The following CAPN15 variants were observed in gnomAD, a reference collection of about 807,000 sequenced individuals.
CAPN15 encodes the protein calpain-15.
Under a neutral mutation model 97.9 loss-of-function variants are expected in CAPN15, and 53 were observed. That is an observed-to-expected ratio of 0.54 (90% CI 0.43 to 0.68). The LOEUF is 0.68. Ranked by LOEUF, CAPN15 falls within the 30% of genes least tolerant of loss-of-function variation. The pLI, the probability that CAPN15 is intolerant of heterozygous loss-of-function variation, is 0.00. For missense variants in CAPN15, 1,592 were observed against 1,589.8 expected, an observed-to-expected ratio of 1.00 and a Z score of -0.02; for synonymous variants, 922 against 722.5, an observed-to-expected ratio of 1.28 and a Z score of -4.43.
intron 1 of CAPN15, 48 bp from the exon 2 acceptor site, chr16:533,898 T>G (rs1035084936): frequency 2.1e-6 from 2 of 947,786 alleles, no homozygotes; most frequent in Non-Finnish European, 2.5e-6. Flanking sequence ...AGGGTCAGAG[T>G]CCTCCTGGTG....
rs1243751958 is a variant in CAPN15 at position 546,771 on chromosome 16, A to T, written c.-22-46A>T. 35 of 1,523,852 alleles carry T rather than the reference A, an allele frequency of 2.3e-5. No homozygotes were observed. The East Asian group carries it at 7.8e-4, about 34-fold the overall frequency. 94.4% of individuals were successfully genotyped at this position (1,523,852 alleles called of 1,614,324 possible). A position where few individuals can be genotyped will look rare whatever the true frequency, so the allele number is the denominator to read the frequency against. On this transcript the variant is annotated intron_variant, in intron 3 of 13. Coordinates refer to ENST00000219611, the MANE Select transcript of CAPN15 (RefSeq NM_005632.3). The stretch of plus-strand genomic sequence containing the variant: ...GCCGAGAGGAGGGTGGGGTCCAGCC[A>T]CTCAGGACCTCACAGGGTGGCCCTG...
chr16:541,965 C>T (rs111254244), intron 3 of CAPN15, among the ~76,000 whole-genome samples: 20 of 72,850 alleles, frequency 2.7e-4, no homozygotes, highest in African/African-American at 1.3e-3. Context: ...GGCCACAGGA[C>T]GTGGCTGGCT....
chr16:552,272 G>A lies in CAPN15; in HGVS notation c.2508-29G>A, dbSNP rs371430474. The A allele has an allele frequency of 7.3e-4, 1,128 of 1,539,290 alleles. 4 individuals carry two copies. In the African/African-American group the frequency reaches 8.2e-3, roughly 11 times the overall value. On this transcript the variant is annotated intron_variant, in intron 10 of 13. Coordinates refer to ENST00000219611, the MANE Select transcript of CAPN15 (RefSeq NM_005632.3). This position sits in a 1 kb window ranked among gnomAD's most constrained non-coding sequence, Gnocchi z 6.4. ...GCTAGGCTGGCGGCCGTGACCACGCGTGACCCTGGCCCGTGGTGTCTGGCG... is the reference window on the plus strand; with the variant it reads ...GCTAGGCTGGCGGCCGTGACCACGCATGACCCTGGCCCGTGGTGTCTGGCG...
intron 7 of CAPN15, 32 bp from the exon 8 acceptor site, chr16:551,270 T>TG (rs1567158225): frequency 1.3e-6 from 2 of 1,530,296 alleles, no homozygotes; most frequent in African/African-American, 1.5e-5. Context: ...TCGGTGAGGG[T>TG]CCCGGTCGGT....
At chr16:543,985 C>T (rs771659954) in intron 3 of CAPN15, among the ~76,000 whole-genome samples, 11 of 152,156 alleles carry the variant, frequency 7.2e-5, no homozygotes, top group Non-Finnish European at 1.5e-4. Context: ...TGCGGCCATG[C>T]GGCCATGCGG....
intron 4 of CAPN15, 111 bp from the exon 5 acceptor site, chr16:548,882 C>T: frequency 9.9e-7 from 1 of 1,007,512 alleles, no homozygotes; most frequent in Non-Finnish European, 1.5e-6. Flanking sequence ...CCACCCGTCC[C>T]TTTGGGGCTC....
intron 9 of CAPN15, 143 bp from the exon 10 acceptor site, chr16:551,908 G>GC (rs1214042357): frequency 9.6e-7 from 1 of 1,037,138 alleles, no homozygotes; most frequent in East Asian, 2.6e-5. Flanking sequence ...TCAGGGATGG[G>GC]CCCCCGGGGG....
chr16:554,378 C>T lies in CAPN15; in HGVS notation c.*862C>T, dbSNP rs987036978. On this transcript the variant is annotated 3_prime_UTR_variant, in exon 14 of 14. Transcript: ENST00000219611. Reference sequence around the variant, plus strand: ...CCTCCTGGCCCCTCACTCCCGGCAGCGGGCCGGCCTCGCCCCCACTCCCCC... The same window carrying T: ...CCTCCTGGCCCCTCACTCCCGGCAGTGGGCCGGCCTCGCCCCCACTCCCCC... 3.6e-5 allele frequency: 14 copies of T among 393,626 alleles called. No homozygotes were observed. The highest frequency in any genetic ancestry group is 1.8e-4 in the Admixed American group (6 of 34,064). 24.4% of individuals were successfully genotyped at this position (393,626 alleles called of 1,614,324 possible).
intron 1 of CAPN15, chr16:528,805 C>G: frequency 1.0e-6 from 1 of 968,532 alleles, no homozygotes; most frequent in Non-Finnish European, 1.2e-6. Context: ...GACTGGGACT[C>G]CGTTGGGTGC....
chr16:530,446 C>T lies in CAPN15; in HGVS notation c.-190+2417C>T, dbSNP rs528579470. On this transcript the variant is annotated intron_variant, in intron 1 of 13. Coordinates refer to ENST00000219611, the MANE Select transcript of CAPN15 (RefSeq NM_005632.3). ...GCTCCAGGAAAGTAGCACAGCAGCC[C>T]CTGTGGCGTGGACACGGCCACACCT... Among the ~76,000 whole-genome samples, 6 of 152,352 alleles carry T rather than the reference C, an allele frequency of 3.9e-5. No homozygotes were observed. The East Asian group carries it at 1.2e-3, about 29-fold the overall frequency.
At position 544,310 on chromosome 16, in the gene CAPN15, C is replaced by T. The variant is rs1427600674; in HGVS notation, c.-22-2507C>T. The stretch of plus-strand genomic sequence containing the variant: ...CCGAGAGCTGTCTGGGCACAGGTTG[C>T]GGGGCTGCCCCGGCCGGACGGGGCA... On this transcript the variant is annotated intron_variant, in intron 3 of 13. Coordinates refer to ENST00000219611, the MANE Select transcript of CAPN15 (RefSeq NM_005632.3). Among the ~76,000 whole-genome samples, 25 of 152,060 alleles carry T rather than the reference C, an allele frequency of 1.6e-4. No individual in the cohort carries two copies. In the East Asian group the frequency reaches 4.7e-3, roughly 28 times the overall value.
chr16:549,324 G>C lies in CAPN15; in HGVS notation c.1695G>C (p.Pro565=). 1 of 1,593,986 alleles carries C rather than the reference G, an allele frequency of 6.3e-7. No homozygotes were observed. Among genetic ancestry groups the C allele is most frequent in the African/African-American group, 1.3e-5 (1 of 74,890 alleles). The change falls in exon 6 of 14, where the codon CCG becomes CCC. Residue 565 remains proline, a synonymous_variant. Transcript: ENST00000219611. ...CCCTGGCGGTGCTGGCGGAGCGGCC[G>C]GACCTGGTGGAGCGGGTGATGGTCA... ...LSALAVLAER[P]DLVERVMVTR...
In CAPN15 at chr16:547,975, C is replaced by T; in HGVS notation, c.1137C>T (p.Thr379=). 3.2e-6 allele frequency: 5 copies of T among 1,583,432 alleles called. No homozygotes were observed. The highest frequency in any genetic ancestry group is 4.3e-6 in the Non-Finnish European group (5 of 1,166,764). ...TCCAGGAGCATGGCGAGCCCCCCAC[C>T]CACTGCCCCGACTGTGGGGCCGACA... ...HGFQEHGEPP[T]HCPDCGADKP... Residue 379 remains threonine (T), a synonymous_variant, in exon 4 of 14, where the codon ACC becomes ACT. Transcript: ENST00000219611.
rs2033808768 is a variant in CAPN15 at position 537,414 on chromosome 16, C to T, written c.-23+1272C>T. On this transcript the variant is annotated intron_variant, in intron 3 of 13. Coordinates refer to ENST00000219611, the MANE Select transcript of CAPN15 (RefSeq NM_005632.3). ...AGGAGCCTGTGTTTCTAGCGGCACGCGTGACCCCAGGTGCCACGTGGGTGA... is the reference window on the plus strand; with the variant it reads ...AGGAGCCTGTGTTTCTAGCGGCACGTGTGACCCCAGGTGCCACGTGGGTGA... The T allele has an allele frequency of 1.9e-5, 19 of 985,556 alleles. No individual in the cohort carries two copies. The South Asian group carries it at 2.3e-4, about 12-fold the overall frequency. 61.1% of individuals were successfully genotyped at this position (985,556 alleles called of 1,614,324 possible). A position where few individuals can be genotyped will look rare whatever the true frequency, so the allele number is the denominator to read the frequency against.
intron 3 of CAPN15, 37 bp from the exon 4 acceptor site, chr16:546,780 C>A: frequency 2.0e-6 from 3 of 1,537,930 alleles, no homozygotes; most frequent in South Asian, 2.5e-5. Flanking sequence ...CACTCAGGAC[C>A]TCACAGGGTG....
chr16:535,859 C>T lies in CAPN15; in HGVS notation c.-136-170C>T, dbSNP rs907279374. On this transcript the variant is annotated intron_variant, in intron 2 of 13. Coordinates refer to ENST00000219611, the MANE Select transcript of CAPN15 (RefSeq NM_005632.3). This position sits in a 1 kb window ranked among gnomAD's most constrained non-coding sequence, Gnocchi z 6.2. Reference sequence around the variant, plus strand: ...CACGGGAGCAGCACAGATGCTTGGCCGGCGGCAGGCCCTACAGGAGCAGCA... The same window carrying T: ...CACGGGAGCAGCACAGATGCTTGGCTGGCGGCAGGCCCTACAGGAGCAGCA... Among the ~76,000 whole-genome samples the T allele has an allele frequency of 2.0e-5, 3 of 152,148 alleles. No homozygotes were observed. Among genetic ancestry groups the T allele is most frequent in the Non-Finnish European group, 4.4e-5 (3 of 68,002 alleles).
At position 535,015 on chromosome 16, in the gene CAPN15, A is replaced by G. The variant is rs2033602099; in HGVS notation, c.-136-1014A>G. Reference sequence around the variant, plus strand: ...ATGATTAGTTAGCGAGACAGTGAGGAGTGTATGCGGAGTGGACACAGCTGT... The same window carrying G: ...ATGATTAGTTAGCGAGACAGTGAGGGGTGTATGCGGAGTGGACACAGCTGT... On this transcript the variant is annotated intron_variant, in intron 2 of 13. Transcript: ENST00000219611. This position sits in a 1 kb window ranked among gnomAD's most constrained non-coding sequence, Gnocchi z 6.2. Among the ~76,000 whole-genome samples, 1 of 151,620 alleles carries G rather than the reference A, an allele frequency of 6.6e-6. No homozygotes were observed. The highest frequency in any genetic ancestry group is 1.5e-5 in the Non-Finnish European group (1 of 67,894).
chr16:548,189 C>A lies in CAPN15; in HGVS notation c.1351C>A (p.Leu451Met), dbSNP rs1160772621. 1.3e-6 allele frequency: 2 copies of A among 1,537,596 alleles called. No homozygotes were observed. The highest frequency in any genetic ancestry group is 8.8e-7 in the Non-Finnish European group (1 of 1,142,552). The change falls in exon 4 of 14, where the codon CTG (leucine) becomes ATG (methionine). Residue 451 changes from leucine to methionine, a missense_variant. Leu to Met is a conservative substitution (Grantham distance 15). Transcript: ENST00000219611. ...LVAQRRGAAP[L>M]RRRESMHVEQ... ...GGCCCAGCGGCGGGGGGCCGCGCCC[C>A]TGAGGCGCAGGGAGAGCATGCACGT... is the stretch of plus-strand genomic sequence containing the variant.
rs1215475318 is a variant in CAPN15, at chr16:547,951, C to T, written c.1113C>T (p.Phe371=). The part of the protein sequence containing the change: ...SACGCSKLHG[F]QEHGEPPTHC... ...GCGGCTGCTCCAAACTGCACGGCTT[C>T]CAGGAGCATGGCGAGCCCCCCACCC... The change falls in exon 4 of 14, where the codon TTC becomes TTT. Residue 371 remains phenylalanine (F), a synonymous_variant. Coordinates refer to ENST00000219611, the MANE Select transcript of CAPN15 (RefSeq NM_005632.3). 1.9e-6 allele frequency: 3 copies of T among 1,596,182 alleles called. No individual in the cohort carries two copies. Among genetic ancestry groups the T allele is most frequent in the Non-Finnish European group, 2.6e-6 (3 of 1,172,630 alleles).
Sources: gnomAD v4.1 joint callset for allele counts (sites outside exome capture counted in the v4.1 genomes callset) on GRCh38, gnomAD v4.1.1 for gene constraint, Gnocchi (gnomAD v3.1) non-coding constraint, MANE v1.5 for transcripts, NCBI Gene and HGNC (gene_info 2026-07-23, HGNC 2026-07-21) for gene names.